METTL15: variants seen among roughly 807,000 people sequenced by gnomAD.
The protein encoded by METTL15 is methyltransferase 15, mitochondrial 12S rRNA N4-cytidine, also known as 12S rRNA N(4)-cytidine methyltransferase METTL15.
Under a neutral mutation model 38.3 loss-of-function variants are expected in METTL15, and 34 were observed. The ratio of observed to expected loss-of-function variants is 0.89; its 90% confidence interval spans 0.68 to 1.18. The LOEUF (loss-of-function observed/expected upper bound fraction) is 1.18. METTL15 is among the 50% of genes most tolerant of loss of function. The pLI is 0.00. For missense variants in METTL15, 438 were observed against 498.4 expected, an observed-to-expected ratio of 0.88 and a Z score of 1.15; for synonymous variants, 162 against 170.9, an observed-to-expected ratio of 0.95 and a Z score of 0.41.
At chr11:28,451,896 G>A (rs903518885) in intron 6 of METTL15, among the ~76,000 whole-genome samples, 4 of 152,156 alleles carry the variant, frequency 2.6e-5, no homozygotes, top group Admixed American at 2.6e-4. Context: ...CTTGGTTTTG[G>A]TTTATTTGTT....
At position 28,147,373 on chromosome 11, in the gene METTL15, AT is replaced by A. The variant is rs1849924031; in HGVS notation, c.270+33770del. Among the ~76,000 whole-genome samples, 4 of 151,978 alleles carry A rather than the reference AT, an allele frequency of 2.6e-5. No individual in the cohort carries two copies. The South Asian group carries it at 8.3e-4, about 32-fold the overall frequency. ...TACAGAGTAGACAATCTTTAGGGCA[AT>A]AAGTGGATTACATATCTTTCAGTCA... On this transcript the variant is annotated intron_variant, in intron 3 of 6. Transcript: ENST00000407364.
intron 4 of METTL15, among the ~76,000 whole-genome samples, chr11:28,216,227 T>C (rs1249412289): frequency 6.6e-6 from 1 of 152,076 alleles, no homozygotes; most frequent in Non-Finnish European, 1.5e-5. Flanking sequence ...TTACTAGATA[T>C]AAGATTACAC....
chr11:28,452,512 A>T (rs1278895280), intron 6 of METTL15, among the ~76,000 whole-genome samples: 2 of 152,226 alleles, frequency 1.3e-5, no homozygotes. Flanking sequence ...GGGTATAAAC[A>T]TTAAGTAAGA....
At chr11:28,262,400 A>G (rs1855242354) in intron 4 of METTL15, among the ~76,000 whole-genome samples, 1 of 151,000 alleles carries the variant, frequency 6.6e-6, no homozygotes, top group Non-Finnish European at 1.5e-5. Context: ...TAGTATATAT[A>G]TTATATATAT....
intron 3 of METTL15, among the ~76,000 whole-genome samples, chr11:28,198,246 A>G (rs1429627776): frequency 6.6e-6 from 1 of 152,056 alleles, no homozygotes; most frequent in African/African-American, 2.4e-5. Context: ...TAGCCGTTCT[A>G]TCTGTAAATA....
chr11:28,110,869 A>C (rs1851688443), intron 2 of METTL15, among the ~76,000 whole-genome samples: 1 of 152,190 alleles, frequency 6.6e-6, no homozygotes, highest in Non-Finnish European at 1.5e-5. Context: ...CTTGTAGAGA[A>C]AAGTTAAATG....
intron 5 of METTL15, among the ~76,000 whole-genome samples, chr11:28,391,583 A>G (rs1850508727): frequency 6.6e-6 from 1 of 152,166 alleles, no homozygotes. Context: ...GGCTACAGTA[A>G]CCAAAACAGC....
At chr11:28,125,345 G>GT (rs1280837657) in intron 3 of METTL15, among the ~76,000 whole-genome samples, 2 of 152,020 alleles carry the variant, frequency 1.3e-5, no homozygotes, top group African/African-American at 2.4e-5. Context: ...AAAGCCAGGA[G>GT]TAAGTTGTGT....
At chr11:28,267,409 A>T (rs759690440) in intron 4 of METTL15, among the ~76,000 whole-genome samples, 4 of 152,160 alleles carry the variant, frequency 2.6e-5, no homozygotes, top group Admixed American at 2.0e-4. Flanking sequence ...TACCTGCTCA[A>T]TAAGGCATAC....
intron 4 of METTL15, among the ~76,000 whole-genome samples, chr11:28,279,569 G>T (rs914935832): frequency 6.6e-6 from 1 of 151,874 alleles, no homozygotes; most frequent in Non-Finnish European, 1.5e-5. Flanking sequence ...TCATTTTGAG[G>T]TTACTTTGGT....
At chr11:28,136,771 G>T (rs1178409573) in intron 3 of METTL15, among the ~76,000 whole-genome samples, 1 of 152,002 alleles carries the variant, frequency 6.6e-6, no homozygotes, top group Non-Finnish European at 1.5e-5. Context: ...TAGGGGTCAG[G>T]AAAGACAATT....
At chr11:28,310,494 A>G (rs1471823047) in intron 6 of METTL15, among the ~76,000 whole-genome samples, 6 of 152,042 alleles carry the variant, frequency 3.9e-5, no homozygotes, top group Non-Finnish European at 8.8e-5. Flanking sequence ...TGTGATTCCT[A>G]TACCTCCTTT....
chr11:28,479,542 A>G (rs1851378042), intron 6 of METTL15, among the ~76,000 whole-genome samples: 1 of 152,198 alleles, frequency 6.6e-6, no homozygotes, highest in Non-Finnish European at 1.5e-5. Context: ...CCTGCTTTGC[A>G]TACAAAAGGT....
At position 28,200,225 on chromosome 11, in the gene METTL15, C is replaced by A. The variant is rs187928416; in HGVS notation, c.271-10837C>A. 1.6e-4 allele frequency among the ~76,000 whole-genome samples: 25 copies of A among 152,246 alleles called. No homozygotes were observed. The East Asian group carries it at 4.2e-3, about 26-fold the overall frequency. On this transcript the variant is annotated intron_variant, in intron 3 of 6. Transcript: ENST00000407364. ...AGACAGAATTGTTTTTGAAATCCATCTCTGCCATTCATTAGCTGTACCTCA... is the reference window on the plus strand; with the variant it reads ...AGACAGAATTGTTTTTGAAATCCATATCTGCCATTCATTAGCTGTACCTCA...
chr11:28,197,594 G>T, intron 3 of METTL15: 1 of 390,180 alleles, frequency 2.6e-6, no homozygotes, highest in Non-Finnish European at 5.3e-6. Context: ...GTATAGTATG[G>T]CCTTTTCTAC....
At chr11:28,392,943 T>G (rs1359697742) in intron 5 of METTL15, among the ~76,000 whole-genome samples, 1 of 151,412 alleles carries the variant, frequency 6.6e-6, no homozygotes, top group Non-Finnish European at 1.5e-5. Context: ...CAAATCAAAA[T>G]AATGATAAGA....
At chr11:28,268,060 A>G (rs990259525) in intron 4 of METTL15, among the ~76,000 whole-genome samples, 1 of 150,562 alleles carries the variant, frequency 6.6e-6, no homozygotes, top group African/African-American at 2.4e-5. Flanking sequence ...AGCCGGGCAT[A>G]GTGGCGGGCG....
At chr11:28,348,740 A>G (rs1850017963) in intron 3 of METTL15, among the ~76,000 whole-genome samples, 1 of 150,924 alleles carries the variant, frequency 6.6e-6, no homozygotes. Context: ...ATGTATTTAT[A>G]TCATTGGGGT....
chr11:28,394,974 A>G (rs1427813587), intron 5 of METTL15, among the ~76,000 whole-genome samples: 1 of 152,058 alleles, frequency 6.6e-6, no homozygotes, highest in African/African-American at 2.4e-5. Context: ...TCTCCCTACT[A>G]TACACAACCG....
Sources: gnomAD v4.1 joint callset for allele counts (sites outside exome capture counted in the v4.1 genomes callset) on GRCh38, gnomAD v4.1.1 for gene constraint, MANE v1.5 for transcripts, NCBI Gene and HGNC (gene_info 2026-07-23, HGNC 2026-07-21) for gene names.